Variants in STPG2 observed in about 807,000 individuals in gnomAD.
STPG2 encodes the protein sperm tail PG-rich repeat containing 2.
In STPG2, 56 loss-of-function variants were observed where a neutral mutation model predicts 54.2. The observed-to-expected ratio is 1.03, with a 90% CI of 0.83 to 1.29. The LOEUF (loss-of-function observed/expected upper bound fraction) is 1.29, where lower values mean the gene tolerates loss of function less well. Among genes scored for constraint, STPG2 ranks in the 50% most tolerant of loss-of-function variants. The pLI, the probability that STPG2 is intolerant of heterozygous loss-of-function variation, is 0.00. For synonymous variants in STPG2, 200 were observed against 181.8 expected (o/e 1.10, Z -0.81); for missense variants, 596 against 544.9 (o/e 1.09, Z -0.93).
chr4:97,566,944 A>T (rs1732467560), intron 10 of STPG2, among the ~76,000 whole-genome samples: 1 of 151,716 alleles, frequency 6.6e-6, no homozygotes, highest in South Asian at 2.1e-4. Flanking sequence ...TTGATGAGTT[A>T]ATGGGCGCAG....
chr4:97,701,372 C>G (rs1723769341), intron 10 of STPG2, among the ~76,000 whole-genome samples: 2 of 152,096 alleles, frequency 1.3e-5, no homozygotes, highest in Non-Finnish European at 1.5e-5. Context: ...ACTGGAGGAC[C>G]ACGATGACAT....
chr4:97,740,013 C>A (rs1238020734), intron 9 of STPG2, among the ~76,000 whole-genome samples: 2 of 151,984 alleles, frequency 1.3e-5, no homozygotes, highest in Non-Finnish European at 2.9e-5. Flanking sequence ...AGCTTATCCA[C>A]CATGATCAAG....
intron 4 of STPG2, among the ~76,000 whole-genome samples, chr4:97,482,281 C>G (rs1194881858): frequency 6.6e-6 from 1 of 151,276 alleles, no homozygotes; most frequent in Non-Finnish European, 1.5e-5. Context: ...AGATATTGGT[C>G]TCTTGTTTTC....
intron 10 of STPG2, among the ~76,000 whole-genome samples, chr4:97,704,032 C>T (rs1158864990): frequency 2.0e-5 from 3 of 151,914 alleles, no homozygotes; most frequent in African/African-American, 4.8e-5. Flanking sequence ...CATTTTTCTG[C>T]CTGCTTTATA....
At chr4:97,543,742 A>G (rs1308563796) in intron 4 of STPG2, among the ~76,000 whole-genome samples, 4 of 152,138 alleles carry the variant, frequency 2.6e-5, no homozygotes, top group African/African-American at 7.2e-5. Flanking sequence ...TCTACAGCAC[A>G]ATAAATTGAT....
chr4:97,717,626 G>T (rs1724331182), intron 9 of STPG2, among the ~76,000 whole-genome samples: 1 of 152,144 alleles, frequency 6.6e-6, no homozygotes, highest in Non-Finnish European at 1.5e-5. Flanking sequence ...GCCCTGTCAA[G>T]TGAAGTCTTT....
chr4:97,655,637 C>T (rs1443882707), intron 10 of STPG2, among the ~76,000 whole-genome samples: 6 of 151,970 alleles, frequency 3.9e-5, no homozygotes, highest in South Asian at 2.1e-4. Flanking sequence ...ATAATGCCTA[C>T]AGCACCAAAC....
At chr4:98,005,628 T>C (rs537259912) in intron 5 of STPG2, among the ~76,000 whole-genome samples, 1 of 152,328 alleles carries the variant, frequency 6.6e-6, no homozygotes, top group Non-Finnish European at 1.5e-5. Context: ...TCTATTGAGA[T>C]ACTGTGGCTT....
chr4:98,070,555 T>C (rs1160192519), intron 5 of STPG2, among the ~76,000 whole-genome samples: 1 of 151,916 alleles, frequency 6.6e-6, no homozygotes, highest in Non-Finnish European at 1.5e-5. Flanking sequence ...GGTATTCAAA[T>C]AGAGAGAGAG....
chr4:97,679,813 A>G (rs995842199), intron 10 of STPG2, among the ~76,000 whole-genome samples: 8 of 152,146 alleles, frequency 5.3e-5, no homozygotes, highest in African/African-American at 1.9e-4. Context: ...ATAAGGTGTA[A>G]GGAAGGGATC....
chr4:97,882,817 T>C (rs1381348635), intron 8 of STPG2, among the ~76,000 whole-genome samples: 1 of 152,080 alleles, frequency 6.6e-6, no homozygotes, highest in African/African-American at 2.4e-5. Context: ...CCCTCCATGT[T>C]AAGCCCTATC....
At position 97,849,368 on chromosome 4, in the gene STPG2, T is replaced by A. The variant is rs562500826; in HGVS notation, c.1045-8436A>T. 5.3e-5 allele frequency among the ~76,000 whole-genome samples: 8 copies of A among 152,074 alleles called. No homozygotes were observed. In the South Asian group the frequency reaches 1.5e-3, roughly 28 times the overall value. On this transcript the variant is annotated intron_variant, in intron 8 of 10. Coordinates refer to ENST00000295268, the MANE Select transcript of STPG2 (RefSeq NM_174952.3). ...TCAGGACATAGGCGTGGGCAAGGAC[T>A]TCATGTCCAAAACACCAAAAGCAAT...
intron 8 of STPG2, among the ~76,000 whole-genome samples, chr4:97,845,227 G>A (rs1728913760): frequency 6.6e-6 from 1 of 150,638 alleles, no homozygotes; most frequent in Non-Finnish European, 1.5e-5. Context: ...AATGAGATTT[G>A]TTGTCCATTT....
chr4:97,954,367 T>C (rs1733588894), intron 7 of STPG2, among the ~76,000 whole-genome samples: 1 of 152,090 alleles, frequency 6.6e-6, no homozygotes, highest in Admixed American at 6.6e-5. Context: ...AGAGTAAAAA[T>C]TTGAGATTAG....
intron 6 of STPG2, among the ~76,000 whole-genome samples, chr4:97,973,408 G>T (rs1734399914): frequency 6.6e-6 from 1 of 152,130 alleles, no homozygotes; most frequent in African/African-American, 2.4e-5. Context: ...GCTGTTAAAG[G>T]CATTCAGTTT....
chr4:98,063,094 T>C (rs534012772), intron 5 of STPG2, among the ~76,000 whole-genome samples: 1 of 152,192 alleles, frequency 6.6e-6, no homozygotes, highest in Non-Finnish European at 1.5e-5. Context: ...AGTTTCTTTT[T>C]AATATCAAAA....
chr4:98,033,645 C>CA (rs1243871694), intron 5 of STPG2, among the ~76,000 whole-genome samples: 2 of 151,724 alleles, frequency 1.3e-5, no homozygotes, highest in Non-Finnish European at 2.9e-5. Flanking sequence ...GCAGAGACAA[C>CA]AAAAAAAGAA....
At chr4:97,962,844 C>A (rs1296772805) in intron 7 of STPG2, among the ~76,000 whole-genome samples, 1 of 152,178 alleles carries the variant, frequency 6.6e-6, no homozygotes, top group Non-Finnish European at 1.5e-5. Flanking sequence ...CTAGGCTTCT[C>A]AATATCTACA....
At chr4:97,465,709 A>T (rs538149791) in intron 4 of STPG2, among the ~76,000 whole-genome samples, 127 of 152,200 alleles carry the variant, frequency 8.3e-4, no homozygotes, top group Non-Finnish European at 1.5e-3. Context: ...TCATCTCTAG[A>T]TTACTTATAA....
Sources: allele counts gnomAD v4.1 joint callset (sites outside exome capture counted in the v4.1 genomes callset), GRCh38; gene constraint gnomAD v4.1.1; transcripts MANE v1.5; gene names NCBI Gene and HGNC (gene_info 2026-07-23, HGNC 2026-07-21).